GPR137C: variants seen among roughly 807,000 people sequenced by gnomAD.
The protein encoded by GPR137C is integral membrane protein GPR137C.
In GPR137C, 27 loss-of-function variants were observed where a neutral mutation model predicts 43.4. The ratio of observed to expected loss-of-function variants is 0.62; its 90% CI spans 0.46 to 0.86. The LOEUF is 0.86. GPR137C is among the 40% of genes least tolerant of loss of function. The pLI is 0.00. For synonymous variants in GPR137C, 285 were observed against 226.9 expected (o/e 1.26, Z -2.30); for missense variants, 522 against 534.6 (o/e 0.98, Z 0.23).
At chr14:52,618,208 G>C (rs1014269257) in intron 3 of GPR137C, among the ~76,000 whole-genome samples, 2 of 152,118 alleles carry the variant, frequency 1.3e-5, no homozygotes, top group African/African-American at 4.8e-5. Context: ...GAGTTGACCT[G>C]TCTGATAGAT....
At chr14:52,616,988 G>T (rs2039106933) in intron 3 of GPR137C, among the ~76,000 whole-genome samples, 1 of 152,184 alleles carries the variant, frequency 6.6e-6, no homozygotes, top group Admixed American at 6.5e-5. Flanking sequence ...TGAGGATATT[G>T]TCTATACAGT....
chr14:52,576,205 T>G (rs531577039), intron 1 of GPR137C, among the ~76,000 whole-genome samples: 1 of 152,248 alleles, frequency 6.6e-6, no homozygotes, highest in Non-Finnish European at 1.5e-5. Context: ...CTCCCACTTA[T>G]AAGTGAGAAC....
chr14:52,575,740 G>A (rs867591262), intron 1 of GPR137C, among the ~76,000 whole-genome samples: 3 of 152,170 alleles, frequency 2.0e-5, no homozygotes, highest in African/African-American at 7.2e-5. Context: ...CTTGAATTAG[G>A]AGTCAGGACA....
intron 1 of GPR137C, among the ~76,000 whole-genome samples, chr14:52,577,976 A>G (rs1053579648): frequency 6.6e-6 from 1 of 152,118 alleles, no homozygotes; most frequent in Non-Finnish European, 1.5e-5. Context: ...AAAAAAAGCA[A>G]TAAAGGTAAT....
At chr14:52,622,299 A>G (rs144965581) in intron 3 of GPR137C, among the ~76,000 whole-genome samples, 10 of 152,166 alleles carry the variant, frequency 6.6e-5, no homozygotes, top group African/African-American at 2.4e-4. Context: ...CCATTGGTCA[A>G]TCTTGCATTT....
chr14:52,577,045 C>A (rs1265875433), intron 1 of GPR137C, among the ~76,000 whole-genome samples: 1 of 104,556 alleles, frequency 9.6e-6, no homozygotes, highest in Non-Finnish European at 1.8e-5. Flanking sequence ...CAAAAACTAG[C>A]CAGGCGTGGT....
chr14:52,614,561 C>T lies in GPR137C; in HGVS notation c.717+14220C>T, dbSNP rs575154256. 4.6e-5 allele frequency among the ~76,000 whole-genome samples: 7 copies of T among 152,290 alleles called. No homozygotes were observed. In the East Asian group the frequency reaches 1.3e-3, roughly 29 times the overall value. ...AGAGTGCAGTGGTGCAATCACAGCT[C>T]ACTGCAGCCTCAACCTCCTGGGCCC... On this transcript the variant is annotated intron_variant, in intron 3 of 6. Transcript: ENST00000321662.
intron 1 of GPR137C, among the ~76,000 whole-genome samples, chr14:52,578,431 T>A (rs543107526): frequency 1.3e-5 from 2 of 152,198 alleles, no homozygotes; most frequent in Admixed American, 1.3e-4. Context: ...AAATTTCTAC[T>A]AGCATTTGTA....
intron 3 of GPR137C, among the ~76,000 whole-genome samples, chr14:52,610,344 A>G (rs1401900389): frequency 6.6e-6 from 1 of 152,216 alleles, no homozygotes; most frequent in East Asian, 1.9e-4. Context: ...AGTGAAGTGA[A>G]GACAAGGGTA....
chr14:52,568,407 G>T (rs2038406508), intron 1 of GPR137C, among the ~76,000 whole-genome samples: 1 of 152,124 alleles, frequency 6.6e-6, no homozygotes, highest in African/African-American at 2.4e-5. Flanking sequence ...CTAACTGCAG[G>T]AGTTTTTTTT....
intron 1 of GPR137C, among the ~76,000 whole-genome samples, chr14:52,561,736 CTG>C (rs1234603947): frequency 6.6e-5 from 10 of 152,276 alleles, no homozygotes; most frequent in African/African-American, 2.4e-4. Flanking sequence ...TGAGCTCACA[CTG>C]TATCATTTCA....
In GPR137C at chr14:52,580,996, T is replaced by C. The variant is rs1056775018; in HGVS notation, c.445-17276T>C. ...GGTGGATCACCTGAAGTCAGGAGTT[T>C]GAGACCAGCCTGGCCAACATGGCAA... is the stretch of plus-strand genomic sequence containing the variant. On this transcript the variant is annotated intron_variant, in intron 1 of 6. Transcript: ENST00000321662. 2.0e-5 allele frequency among the ~76,000 whole-genome samples: 3 copies of C among 149,842 alleles called. No homozygotes were observed. In the East Asian group the frequency reaches 6.0e-4, roughly 30 times the overall value.
intron 1 of GPR137C, among the ~76,000 whole-genome samples, chr14:52,594,627 CTA>C (rs1341370577): frequency 6.6e-6 from 1 of 152,182 alleles, no homozygotes; most frequent in Admixed American, 6.5e-5. Context: ...TTATCAGAGA[CTA>C]TGATTGCAAC....
intron 3 of GPR137C, among the ~76,000 whole-genome samples, chr14:52,625,150 T>C (rs1412136295): frequency 6.6e-6 from 1 of 152,110 alleles, no homozygotes; most frequent in Non-Finnish European, 1.5e-5. Flanking sequence ...ATCAAATATT[T>C]AAAGAAGAAA....
At position 52,635,085 on chromosome 14, in the gene GPR137C, T is replaced by C. The variant is rs1261056295; in HGVS notation, c.1260T>C (p.His420=). The C allele has an allele frequency of 1.3e-6, 2 of 1,597,396 alleles. No individual in the cohort carries two copies. Among genetic ancestry groups the C allele is most frequent in the South Asian group, 1.2e-5 (1 of 86,870 alleles). Residue 420 remains histidine (H), a synonymous_variant, in exon 7 of 7, where the codon CAT becomes CAC. Coordinates refer to ENST00000321662, the MANE Select transcript of GPR137C (RefSeq NM_001099652.2). ...GTAGTAATTTAGATTTGAACAATCA[T>C]CATAGCTTATATGTGACACCACAAA... is the stretch of plus-strand genomic sequence containing the variant. ...FTCSNLDLNN[H]HSLYVTPQN
chr14:52,554,161 G>A (rs901763567), intron 1 of GPR137C, among the ~76,000 whole-genome samples: 7 of 152,208 alleles, frequency 4.6e-5, no homozygotes, highest in Non-Finnish European at 8.8e-5. Flanking sequence ...TTCCCCAGCA[G>A]GGTTGATGAT....
Position 52,581,631 on chromosome 14 carries a change from A to G in GPR137C, c.445-16641A>G, listed in dbSNP as rs115388298. Among the ~76,000 whole-genome samples the G allele has an allele frequency of 6.8e-3, 1,030 of 152,332 alleles. 14 individuals carry two copies. Among genetic ancestry groups the G allele is most frequent in the African/African-American group, 0.023 (974 of 41,574 alleles). On this transcript the variant is annotated intron_variant, in intron 1 of 6. Coordinates refer to ENST00000321662, the MANE Select transcript of GPR137C (RefSeq NM_001099652.2). The stretch of plus-strand genomic sequence containing the variant: ...ATGCTTCATATTTTATTTGCAGGCA[A>G]TAACAATGGTAAGCTTGGGAATGGT...
rs1353132975 is a variant in GPR137C, at chr14:52,616,011, A to G, written c.717+15670A>G. On this transcript the variant is annotated intron_variant, in intron 3 of 6. Coordinates refer to ENST00000321662, the MANE Select transcript of GPR137C (RefSeq NM_001099652.2). ...CTTTCTTCCATGTCAATGTCCTTGT[A>G]TAGACATTTAATTCATTTTTTGTAA... Among the ~76,000 whole-genome samples the G allele has an allele frequency of 2.6e-5, 4 of 152,312 alleles. No individual in the cohort carries two copies. In the South Asian group the frequency reaches 6.2e-4, roughly 24 times the overall value.
chr14:52,608,714 C>CTT (rs1258756330), intron 3 of GPR137C, among the ~76,000 whole-genome samples: 4 of 145,606 alleles, frequency 2.7e-5, no homozygotes, highest in South Asian at 2.2e-4. Context: ...TCTTAGAAGG[C>CTT]TTTTTTTTTT....
Sources: gnomAD v4.1 joint callset for allele counts (sites outside exome capture counted in the v4.1 genomes callset) on GRCh38, gnomAD v4.1.1 for gene constraint, MANE v1.5 for transcripts, NCBI Gene and HGNC (gene_info 2026-07-23, HGNC 2026-07-21) for gene names.